Variants in ELMO1 observed in about 807,000 individuals in gnomAD.
ELMO1 encodes engulfment and cell motility protein 1.
In ELMO1, 26 loss-of-function variants were observed where a neutral mutation model predicts 98.9. The observed-to-expected ratio is 0.26, with a 90% CI of 0.19 to 0.36. The LOEUF is 0.36. Among genes scored for constraint, ELMO1 ranks in the 10% least tolerant of loss-of-function variants. The pLI is 1.00. For missense variants in ELMO1, 627 were observed against 935.2 expected (o/e 0.67, Z 4.30); for synonymous variants, 346 against 346.0 (o/e 1.00, Z 0.00).
chr7:37,093,116 C>T (rs867324260), intron 15 of ELMO1, among the ~76,000 whole-genome samples: 1 of 151,846 alleles, frequency 6.6e-6, no homozygotes, highest in Non-Finnish European at 1.5e-5. Flanking sequence ...TTGGACCACG[C>T]TATTAGAGGT....
At chr7:36,970,947 G>A (rs1269453471) in intron 16 of ELMO1, among the ~76,000 whole-genome samples, 1 of 152,188 alleles carries the variant, frequency 6.6e-6, no homozygotes, top group East Asian at 1.9e-4. Context: ...CCAGCTACCT[G>A]GTACCTGACA....
intron 8 of ELMO1, among the ~76,000 whole-genome samples, chr7:37,232,726 C>G (rs187785183): frequency 2.4e-4 from 37 of 152,284 alleles, no homozygotes; most frequent in Admixed American, 6.5e-4. Flanking sequence ...TGCCTCTTTC[C>G]TTTTCCCTGG....
intron 4 of ELMO1, among the ~76,000 whole-genome samples, chr7:37,313,287 C>T (rs1316277017): frequency 6.6e-6 from 1 of 152,156 alleles, no homozygotes; most frequent in Non-Finnish European, 1.5e-5. Flanking sequence ...TGCAGTGGCA[C>T]GATCTCTGCT....
intron 13 of ELMO1, among the ~76,000 whole-genome samples, chr7:37,195,014 G>C: frequency 6.6e-6 from 1 of 152,172 alleles, no homozygotes; most frequent in Non-Finnish European, 1.5e-5. Flanking sequence ...GTGCTAAGTA[G>C]ACAAGGACCT....
intron 13 of ELMO1, among the ~76,000 whole-genome samples, chr7:37,161,722 C>A (rs541351628): frequency 1.0e-4 from 15 of 150,694 alleles, no homozygotes; most frequent in African/African-American, 3.6e-4. Flanking sequence ...AAACTCATGA[C>A]CCTAAACCAC....
At position 37,265,981 on chromosome 7, in the gene ELMO1, C is replaced by T. The variant is rs1217124642; in HGVS notation, c.243+5851G>A. 2.0e-5 allele frequency among the ~76,000 whole-genome samples: 3 copies of T among 152,184 alleles called. 1 individual carries two copies. The highest frequency in any genetic ancestry group is 4.1e-4 in the South Asian group (2 of 4,830). On this transcript the variant is annotated intron_variant, in intron 5 of 21. Coordinates refer to ENST00000310758, the MANE Select transcript of ELMO1 (RefSeq NM_014800.11). ...GGGCTTGCCCTCCACGACACTCCTT[C>T]CAACTCTCCAATTCCCTACAAGGCA...
intron 1 of ELMO1, chr7:37,353,276 C>G (rs1428073284): frequency 6.6e-6 from 1 of 152,212 alleles, no homozygotes; most frequent in Non-Finnish European, 1.5e-5. Flanking sequence ...AATGAAGCAG[C>G]GAACTGTCGC....
At chr7:37,437,223 A>G (rs182531817) in intron 1 of ELMO1, among the ~76,000 whole-genome samples, 1 of 152,322 alleles carries the variant, frequency 6.6e-6, no homozygotes, top group Admixed American at 6.5e-5. Flanking sequence ...GACAAATGCA[A>G]ACAACCTCAA....
Position 37,445,037 on chromosome 7 carries a change from G to A in ELMO1, c.-74+3638C>T, listed in dbSNP as rs114751274. On this transcript the variant is annotated intron_variant, in intron 1 of 21. Transcript: ENST00000310758. The stretch of plus-strand genomic sequence containing the variant: ...TTATTGAAACAGGCTTTTTAAAATC[G>A]TTACCTACACTGAGCAATACTTTGA... Among the ~76,000 whole-genome samples, 910 of 152,266 alleles carry A rather than the reference G, an allele frequency of 6.0e-3. 4 individuals carry two copies. Among genetic ancestry groups the A allele is most frequent in the African/African-American group, 0.02 (848 of 41,546 alleles).
chr7:36,956,659 G>C (rs1053588279), intron 16 of ELMO1, among the ~76,000 whole-genome samples: 1 of 152,324 alleles, frequency 6.6e-6, no homozygotes, highest in East Asian at 1.9e-4. Flanking sequence ...TCTTGTGACA[G>C]CTTATAGTGA....
intron 13 of ELMO1, among the ~76,000 whole-genome samples, chr7:37,145,007 T>C (rs1032290331): frequency 1.3e-5 from 2 of 152,318 alleles, no homozygotes; most frequent in Non-Finnish European, 1.5e-5. Flanking sequence ...AGGCTGGTCT[T>C]CTTATTTTAT....
intron 1 of ELMO1, among the ~76,000 whole-genome samples, chr7:37,381,504 ACTGGCT>A (rs1802579263): frequency 6.6e-6 from 1 of 152,262 alleles, no homozygotes. Flanking sequence ...ACCACTGGGA[ACTGGCT>A]ACTACCTCTT....
At chr7:37,291,186 C>T (rs116687205) in intron 4 of ELMO1, among the ~76,000 whole-genome samples, 1,529 of 152,190 alleles carry the variant, frequency 0.01, 32 homozygotes, top group African/African-American at 0.035. Flanking sequence ...AAAATTAGAT[C>T]GCCATATAAT....
intron 15 of ELMO1, among the ~76,000 whole-genome samples, chr7:37,060,846 C>T (rs1311982584): frequency 6.6e-6 from 1 of 150,516 alleles, no homozygotes; most frequent in Admixed American, 6.6e-5. Flanking sequence ...TGGATTCTGG[C>T]CCAATTTGGT....
chr7:36,875,679 C>T (rs749044117), intron 19 of ELMO1, among the ~76,000 whole-genome samples: 1 of 152,274 alleles, frequency 6.6e-6, no homozygotes, highest in South Asian at 2.1e-4. Context: ...GGCAAGCTGG[C>T]TCTCCCTGGC....
intron 19 of ELMO1, among the ~76,000 whole-genome samples, chr7:36,873,548 G>A (rs895347518): frequency 6.6e-6 from 1 of 152,204 alleles, no homozygotes; most frequent in African/African-American, 2.4e-5. Context: ...CTATTTTACA[G>A]ATGGGAAGAC....
chr7:37,213,387 G>A lies in ELMO1; in HGVS notation c.902C>T (p.Thr301Ile), dbSNP rs1051645750. Residue 301 changes from threonine to isoleucine, a missense_variant, in exon 12 of 22, where the codon ACC becomes ATC. Physicochemically the swap from Thr to Ile is moderately conservative, Grantham distance 89. Transcript: ENST00000310758. ...CATCCTGTCTTCCAGGAGGTTAAAG[G>A]TGAGCACTTGTAGAACATACAGCTG... is the stretch of plus-strand genomic sequence containing the variant. ...AHQLYVLQVL[T>I]FNLLEDRMMT... is the part of the protein sequence containing the mutation. 4 of 1,612,814 alleles carry A rather than the reference G, an allele frequency of 2.5e-6. No individual in the cohort carries two copies. The highest frequency in any genetic ancestry group is 3.4e-6 in the Non-Finnish European group (4 of 1,179,776).
At chr7:37,143,124 C>A (rs368751043) in intron 13 of ELMO1, among the ~76,000 whole-genome samples, 1 of 152,316 alleles carries the variant, frequency 6.6e-6, no homozygotes, top group African/African-American at 2.4e-5. Context: ...CCAGGCATTG[C>A]GCAAAGTGTC....
intron 14 of ELMO1, among the ~76,000 whole-genome samples, chr7:37,112,101 G>A (rs2129277405): frequency 6.6e-6 from 1 of 152,200 alleles, no homozygotes; most frequent in Non-Finnish European, 1.5e-5. Context: ...GGGGAAAAAA[G>A]AGGAACACAA....
Sources: allele counts gnomAD v4.1 joint callset (sites outside exome capture counted in the v4.1 genomes callset), GRCh38; gene constraint gnomAD v4.1.1; transcripts MANE v1.5; gene names NCBI Gene and HGNC (gene_info 2026-07-23, HGNC 2026-07-21).